ZNF510: variants seen among roughly 807,000 people sequenced by gnomAD.
ZNF510 encodes the protein zinc finger protein 510.
ZNF510 carries 15 observed loss-of-function variants against 18.1 expected under a neutral mutation model. The ratio of observed to expected loss-of-function variants is 0.83; its 90% CI spans 0.55 to 1.28. The LOEUF (loss-of-function observed/expected upper bound fraction) is 1.28. Among genes scored for constraint, ZNF510 ranks in the 50% most tolerant of loss-of-function variants. The probability of loss-of-function intolerance (pLI) is 0.00; values close to 1 mark genes in which losing one functional copy is unlikely to be tolerated. For missense variants in ZNF510, 724 were observed against 791.8 expected (o/e 0.91, Z 1.03); for synonymous variants, 261 against 266.4 (o/e 0.98, Z 0.20).
intron 3 of ZNF510, among the ~76,000 whole-genome samples, chr9:96,765,701 TG>T (rs1454550519): frequency 1.2e-4 from 18 of 152,014 alleles, no homozygotes; most frequent in Non-Finnish European, 2.5e-4. Context: ...TTAGTAGAGA[TG>T]GGGTTTCACC....
intron 3 of ZNF510, among the ~76,000 whole-genome samples, chr9:96,771,024 T>C (rs73656961): frequency 0.059 from 9,027 of 152,222 alleles, 883 homozygotes; most frequent in African/African-American, 0.2. Context: ...AAAACTCCAA[T>C]GCTAGACTAC....
At chr9:96,772,388 G>A (rs370932607) in intron 3 of ZNF510, among the ~76,000 whole-genome samples, 5 of 150,390 alleles carry the variant, frequency 3.3e-5, no homozygotes, top group African/African-American at 1.2e-4. Context: ...AAGAAAAGAC[G>A]ATCTGACCTT....
chr9:96,766,150 G>C (rs966041077), intron 3 of ZNF510, among the ~76,000 whole-genome samples: 2 of 152,090 alleles, frequency 1.3e-5, no homozygotes, highest in Non-Finnish European at 2.9e-5. Context: ...TTACTACTGA[G>C]AATTATGAGA....
intron 5 of ZNF510, among the ~76,000 whole-genome samples, chr9:96,761,360 C>T (rs765480461): frequency 5.1e-4 from 77 of 152,242 alleles, no homozygotes; most frequent in Non-Finnish European, 9.6e-4. Context: ...TTCTAAATGC[C>T]TATCCTTGAC....
In ZNF510 at chr9:96,760,103, TG is replaced by T; in HGVS notation, c.726del (p.Lys243SerfsTer91). 6.2e-7 allele frequency: 1 copy of T among 1,608,824 alleles called. No homozygotes were observed. Among genetic ancestry groups the T allele is most frequent in the Non-Finnish European group, 8.5e-7 (1 of 1,178,308 alleles). ...TCCAAAGTTTGAAACTTTGGATGCT[TG>T]GGAAGATTTTCATTATAATTGAGAG... ...MKALNYNENL[P>X]KHPKFQTLEQ... On this transcript the variant is annotated frameshift_variant, in exon 6 of 6. Transcript: ENST00000223428. LOFTEE classifies it low-confidence loss of function (END_TRUNC).
intron 3 of ZNF510, among the ~76,000 whole-genome samples, chr9:96,770,261 G>T (rs1302753413): frequency 6.6e-6 from 1 of 152,098 alleles, no homozygotes; most frequent in Non-Finnish European, 1.5e-5. Flanking sequence ...GTACAACATG[G>T]ATGAACCTTG....
In ZNF510 at chr9:96,758,749, T is replaced by G; in HGVS notation, c.*29A>C. 3 of 1,526,830 alleles carry G rather than the reference T, an allele frequency of 2.0e-6. No individual in the cohort carries two copies. The highest frequency in any genetic ancestry group is 2.6e-6 in the Non-Finnish European group (3 of 1,140,708). 94.6% of individuals were successfully genotyped at this position (1,526,830 alleles called of 1,614,324 possible). On this transcript the variant is annotated 3_prime_UTR_variant, in exon 6 of 6. Transcript: ENST00000223428. ...CTCTGATATCAAATGGGGTATTCCT[T>G]TTGTCAAAAGGATTTTCTAGTTATT...
Position 96,758,498 on chromosome 9 carries a change from G to GCTAT in ZNF510, c.*276_*279dup. 6.6e-6 allele frequency: 2 copies of GCTAT among 304,848 alleles called. No individual in the cohort carries two copies. The highest frequency in any genetic ancestry group is 5.4e-5 in the East Asian group (1 of 18,472). The allele number at this position is 304,848 out of a possible 1,614,324, so 18.9% of individuals were successfully genotyped here. A position where few individuals can be genotyped will look rare whatever the true frequency, so the allele number is the denominator to read the frequency against. On this transcript the variant is annotated 3_prime_UTR_variant, in exon 6 of 6. Coordinates refer to ENST00000223428, the MANE Select transcript of ZNF510 (RefSeq NM_014930.3). ...TTACCAGCCTGTGTGATGTGTGGGA[G>GCTAT]CTATCTAATAGGGTATGACTTCATT...
Position 96,758,785 on chromosome 9 carries a change from G to C in ZNF510, c.2045C>G (p.Pro682Arg), listed in dbSNP as rs781288062. Residue 682 changes from proline to arginine, a missense_variant, in exon 6 of 6, where the codon CCC (proline) becomes CGC (arginine). By Grantham distance (103) the Pro-to-Arg change is moderately radical. Transcript: ENST00000223428. ...LYQKIQGEGN[P>R]Y ...GATTTTCTAGTTATTACATCAATAGGGATTCCCCTCTCCCTGAATTTTCTG... is the reference window on the plus strand; with the variant it reads ...GATTTTCTAGTTATTACATCAATAGCGATTCCCCTCTCCCTGAATTTTCTG... 1.3e-5 allele frequency: 20 copies of C among 1,576,786 alleles called. No homozygotes were observed. The highest frequency in any genetic ancestry group is 1.7e-5 in the Non-Finnish European group (20 of 1,162,592).
rs1412145481 is a variant in ZNF510, at chr9:96,754,980, A to C, written c.*3798T>G. ...CCATCTGCTAGAGTAAAAGACCATG[A>C]GTTGCTAAGGAGATCAACCAGGCAA... On this transcript the variant is annotated 3_prime_UTR_variant, in exon 6 of 6. Coordinates refer to ENST00000223428, the MANE Select transcript of ZNF510 (RefSeq NM_014930.3). Among the ~76,000 whole-genome samples, 1 of 152,208 alleles carries C rather than the reference A, an allele frequency of 6.6e-6. No homozygotes were observed. Among genetic ancestry groups the C allele is most frequent in the Non-Finnish European group, 1.5e-5 (1 of 68,028 alleles).
chr9:96,763,213 CCT>C lies in ZNF510; in HGVS notation c.257-2_257-1del, dbSNP rs774797810. On this transcript the variant is annotated splice_acceptor_variant, in intron 4 of 5. Coordinates refer to ENST00000223428, the MANE Select transcript of ZNF510 (RefSeq NM_014930.3). LOFTEE classifies it high-confidence loss of function. ...CACCTCTGGTTTGAAACAGCAGTAC[CCT>C]GTTAATAAAACACAATCGAGGACTT... 1.2e-6 allele frequency: 2 copies of C among 1,613,572 alleles called. No homozygotes were observed. The highest frequency in any genetic ancestry group is 1.7e-5 in the Admixed American group (1 of 59,984).
chr9:96,778,064 A>C lies in ZNF510; in HGVS notation c.-207T>G, dbSNP rs1230282128. ...CTGCGAACCCTCTGCACCAGCAAAC[A>C]CTAACAGGGAGAAGCCGGAAAGTGG... On this transcript the variant is annotated 5_prime_UTR_variant, in exon 1 of 6. Coordinates refer to ENST00000223428, the MANE Select transcript of ZNF510 (RefSeq NM_014930.3). The C allele has an allele frequency of 6.6e-6, 1 of 152,278 alleles. No homozygotes were observed. Among genetic ancestry groups the C allele is most frequent in the African/African-American group, 2.4e-5 (1 of 41,462 alleles). The allele number at this position is 152,278 out of a possible 1,614,324, so 9.4% of individuals were successfully genotyped here. A position where few individuals can be genotyped will look rare whatever the true frequency, so the allele number is the denominator to read the frequency against.
intron 1 of ZNF510, among the ~76,000 whole-genome samples, chr9:96,777,222 C>T (rs2118090566): frequency 6.6e-6 from 1 of 152,258 alleles, no homozygotes; most frequent in South Asian, 2.1e-4. Context: ...ATACACTTGC[C>T]ACATAGTAAG....
chr9:96,764,057 A>G (rs10115188), intron 3 of ZNF510, among the ~76,000 whole-genome samples: 7,467 of 152,284 alleles, frequency 0.049, 593 homozygotes, highest in African/African-American at 0.17. Context: ...TGATCACACC[A>G]CTGTATACCA....
In ZNF510 at chr9:96,759,068, TGAGG is replaced by T. The variant is rs1322389312; in HGVS notation, c.1758_1761del (p.Leu587GlufsTer83). The T allele has an allele frequency of 6.2e-7, 1 of 1,614,126 alleles. No individual in the cohort carries two copies. The highest frequency in any genetic ancestry group is 1.1e-5 in the South Asian group (1 of 91,082). ...CCAGTGTGAATTCTTTGATGCACTC[TGAGG>T]GTTGATGTCCGGGCAAAAGTTTTCC... is the stretch of plus-strand genomic sequence containing the variant. On this transcript the variant is annotated frameshift_variant, in exon 6 of 6. Coordinates refer to ENST00000223428, the MANE Select transcript of ZNF510 (RefSeq NM_014930.3). LOFTEE classifies it low-confidence loss of function (END_TRUNC).
chr9:96,762,496 G>A (rs1324914109), intron 5 of ZNF510, among the ~76,000 whole-genome samples: 1 of 138,258 alleles, frequency 7.2e-6, no homozygotes, highest in Non-Finnish European at 1.5e-5. Context: ...GTGACAGAGG[G>A]AGACTCCGTC....
Position 96,760,463 on chromosome 9 carries a change from CA to C in ZNF510, c.366del (p.Asp123MetfsTer3). ...TTCTTGTTCTGCTTGATCAGGTCATCACCTCTGTAATCTTCTAAAACAGAAA... is the reference window on the plus strand; with the variant it reads ...TTCTTGTTCTGCTTGATCAGGTCATCCCTCTGTAATCTTCTAAAACAGAAA... Reference protein sequence around the residue: ...SNQSHPKDYRGDDLIKQNKKI... With the variant: ...SNQSHPKDYRXDDLIKQNKKI... On this transcript the variant is annotated frameshift_variant, in exon 6 of 6. Coordinates refer to ENST00000223428, the MANE Select transcript of ZNF510 (RefSeq NM_014930.3). LOFTEE classifies it low-confidence loss of function (END_TRUNC). 6.2e-7 allele frequency: 1 copy of C among 1,605,578 alleles called. No homozygotes were observed. Among genetic ancestry groups the C allele is most frequent in the Non-Finnish European group, 8.5e-7 (1 of 1,176,292 alleles).
At position 96,759,083 on chromosome 9, in the gene ZNF510, G is replaced by A. The variant is rs765526190; in HGVS notation, c.1747C>T (p.Arg583Trp). 53 of 1,613,908 alleles carry A rather than the reference G, an allele frequency of 3.3e-5. No individual in the cohort carries two copies. Among genetic ancestry groups the A allele is most frequent in the East Asian group, 1.8e-4 (8 of 44,894 alleles). Residue 583 changes from arginine (R) to tryptophan (W), a missense_variant, in exon 6 of 6, where the codon CGG becomes TGG. Coordinates refer to ENST00000223428, the MANE Select transcript of ZNF510 (RefSeq NM_014930.3). ...TGATGCACTCTGAGGGTTGATGTCC[G>A]GGCAAAAGTTTTCCCACATTCGTTA... ...KCNECGKTFA[R>W]TSTLRVHQRI...
At chr9:96,762,423 G>T (rs530668368) in intron 5 of ZNF510, among the ~76,000 whole-genome samples, 11 of 151,256 alleles carry the variant, frequency 7.3e-5, no homozygotes, top group Non-Finnish European at 1.6e-4. Flanking sequence ...GCAGGAGAAT[G>T]GCGTAAACCT....
Sources: allele counts gnomAD v4.1 joint callset (sites outside exome capture counted in the v4.1 genomes callset), GRCh38; gene constraint gnomAD v4.1.1; transcripts MANE v1.5; gene names NCBI Gene and HGNC (gene_info 2026-07-23, HGNC 2026-07-21).